Variants in ZNF670 observed in about 807,000 individuals in gnomAD.
ZNF670 encodes zinc finger protein 670.
ZNF670 carries 7 observed loss-of-function variants against 10.9 expected under a neutral mutation model. The ratio of observed to expected loss-of-function variants is 0.64; its 90% confidence interval spans 0.36 to 1.20. The LOEUF (loss-of-function observed/expected upper bound fraction) is 1.20, where lower values mean the gene tolerates loss of function less well. Ranked by LOEUF, ZNF670 falls within the 50% of genes most tolerant of loss-of-function variation. The pLI is 0.02. For missense variants in ZNF670, 446 were observed against 458.6 expected, an observed-to-expected ratio of 0.97 and a Z score of 0.25; for synonymous variants, 136 against 152.7, an observed-to-expected ratio of 0.89 and a Z score of 0.81.
chr1:247,045,748 G>A (rs549312588), intron 1 of ZNF670, among the ~76,000 whole-genome samples: 3 of 152,318 alleles, frequency 2.0e-5, no homozygotes, highest in South Asian at 2.1e-4. Context: ...TGGGTAACAT[G>A]CAGAAGCTGG....
intron 1 of ZNF670, among the ~76,000 whole-genome samples, chr1:247,071,116 G>A (rs1238498804): frequency 4.6e-5 from 7 of 152,150 alleles, no homozygotes; most frequent in African/African-American, 1.7e-4. Flanking sequence ...TCCTATTACT[G>A]GGTATATATA....
chr1:247,048,410 T>C (rs1447110880), intron 1 of ZNF670, among the ~76,000 whole-genome samples: 1 of 152,220 alleles, frequency 6.6e-6, no homozygotes, highest in Non-Finnish European at 1.5e-5. Flanking sequence ...ACTGTCTATA[T>C]CACTATCAGC....
At chr1:247,071,382 A>T (rs1671110425) in intron 1 of ZNF670, among the ~76,000 whole-genome samples, 2 of 152,258 alleles carry the variant, frequency 1.3e-5, no homozygotes, top group East Asian at 3.8e-4. Context: ...CAGAAAACCA[A>T]ATACTGCATG....
At position 247,038,492 on chromosome 1, in the gene ZNF670, T is replaced by C. The variant is rs549658993; in HGVS notation, c.192-65A>G. 2.6e-4 allele frequency: 383 copies of C among 1,482,222 alleles called. 2 individuals are homozygous for C. In the African/African-American group the frequency reaches 4.8e-3, roughly 19 times the overall value. 91.8% of individuals were successfully genotyped at this position (1,482,222 alleles called of 1,614,324 possible). A position where few individuals can be genotyped will look rare whatever the true frequency, so the allele number is the denominator to read the frequency against. On this transcript the variant is annotated intron_variant, in intron 3 of 3. Coordinates refer to ENST00000366503, the MANE Select transcript of ZNF670 (RefSeq NM_033213.5). The stretch of plus-strand genomic sequence containing the variant: ...ATGGTTTACATTGCTACTAATACCA[T>C]GGAAAATGCAAGTTTCCTGCCATAT...
At chr1:247,056,404 G>A (rs1572564854) in intron 1 of ZNF670, among the ~76,000 whole-genome samples, 1 of 152,082 alleles carries the variant, frequency 6.6e-6, no homozygotes, top group South Asian at 2.1e-4. Flanking sequence ...ACAGATCCAC[G>A]GAAATTAATA....
chr1:247,077,288 T>C (rs566172064), intron 1 of ZNF670, among the ~76,000 whole-genome samples: 2 of 152,170 alleles, frequency 1.3e-5, no homozygotes, highest in Non-Finnish European at 2.9e-5. Flanking sequence ...TCTACTTCCA[T>C]ATTTTAAACT....
At position 247,078,789 on chromosome 1, in the gene ZNF670, C is replaced by G. The variant is rs138211753; in HGVS notation, c.-193G>C. On this transcript the variant is annotated 5_prime_UTR_variant, in exon 1 of 4. Coordinates refer to ENST00000366503, the MANE Select transcript of ZNF670 (RefSeq NM_033213.5). ...CGCCAGGTCCCGGAAGCTGCTCCCT[C>G]CTTTCGCGGCGCGCTTGAGAGTACA... The G allele has an allele frequency of 1.5e-5, 9 of 610,896 alleles. No individual in the cohort carries two copies. The highest frequency in any genetic ancestry group is 2.3e-5 in the Non-Finnish European group (8 of 348,952). The allele number at this position is 610,896 out of a possible 1,614,324, so 37.8% of individuals were successfully genotyped here.
chr1:247,036,396 T>C lies in ZNF670; in HGVS notation c.*1053A>G, dbSNP rs1202769465. 6.6e-6 allele frequency among the ~76,000 whole-genome samples: 1 copy of C among 152,200 alleles called. No individual in the cohort carries two copies. The highest frequency in any genetic ancestry group is 1.5e-5 in the Non-Finnish European group (1 of 68,026). ...GGCCAGGTGTGGTAGCTCATGTCAGTAACCCCAACATGTAGACAGGCTGAG... is the reference window on the plus strand; with the variant it reads ...GGCCAGGTGTGGTAGCTCATGTCAGCAACCCCAACATGTAGACAGGCTGAG... On this transcript the variant is annotated 3_prime_UTR_variant, in exon 4 of 4. Transcript: ENST00000366503.
At chr1:247,052,724 G>T (rs1670627681) in intron 1 of ZNF670, among the ~76,000 whole-genome samples, 1 of 152,166 alleles carries the variant, frequency 6.6e-6, no homozygotes, top group Admixed American at 6.5e-5. Context: ...GCGTTGGTTG[G>T]CCAGCAGCCA....
intron 1 of ZNF670, among the ~76,000 whole-genome samples, chr1:247,077,730 C>T (rs1332654666): frequency 6.6e-6 from 1 of 152,060 alleles, no homozygotes; most frequent in African/African-American, 2.4e-5. Context: ...ACTACAAGCC[C>T]CAGAAGAGTT....
intron 1 of ZNF670, among the ~76,000 whole-genome samples, chr1:247,075,666 G>C (rs937649246): frequency 6.6e-6 from 1 of 152,168 alleles, no homozygotes; most frequent in African/African-American, 2.4e-5. Context: ...GCAGCCATCC[G>C]CGTAAGACGT....
At position 247,037,722 on chromosome 1, in the gene ZNF670, A is replaced by C. The variant is rs956442318; in HGVS notation, c.897T>G (p.His299Gln). ...AFRCSRVLRVHERTHSGEKPY... is the reference protein window; with the variant it reads ...AFRCSRVLRVQERTHSGEKPY... The stretch of plus-strand genomic sequence containing the variant: ...GCTTTTCTCCACTGTGAGTCCTTTC[A>C]TGGACTCTGAGGACTCTGGAACATC... The change falls in exon 4 of 4, where the codon CAT (histidine) becomes CAG (glutamine). Residue 299 changes from histidine to glutamine, a missense_variant. Coordinates refer to ENST00000366503, the MANE Select transcript of ZNF670 (RefSeq NM_033213.5). 10 of 1,614,028 alleles carry C rather than the reference A, an allele frequency of 6.2e-6. No homozygotes were observed. The highest frequency in any genetic ancestry group is 1.7e-4 in the Middle Eastern group (1 of 6,058).
rs186893527 is a variant in ZNF670 at position 247,036,080 on chromosome 1, A to C, written c.*1369T>G. 1.3e-3 allele frequency among the ~76,000 whole-genome samples: 199 copies of C among 152,322 alleles called. 1 individual carries two copies. Among genetic ancestry groups the C allele is most frequent in the African/African-American group, 4.3e-3 (180 of 41,564 alleles). ...GATGAAGACAAATTTCACCCAGATA[A>C]CCATAATATATTTATATCTGAAAGC... On this transcript the variant is annotated 3_prime_UTR_variant, in exon 4 of 4. Transcript: ENST00000366503.
At chr1:247,059,285 CA>C (rs796564332) in intron 1 of ZNF670, among the ~76,000 whole-genome samples, 64 of 144,716 alleles carry the variant, frequency 4.4e-4, no homozygotes, top group Middle Eastern at 3.6e-3. Flanking sequence ...ACTAAAAATA[CA>C]AAAAAAAAAA....
At position 247,034,970 on chromosome 1, in the gene ZNF670, G is replaced by T. The variant is rs1039699915; in HGVS notation, c.*2479C>A. On this transcript the variant is annotated 3_prime_UTR_variant, in exon 4 of 4. Transcript: ENST00000366503. ...CATACATCCTCCTGGGGAACGGCTG[G>T]TCAACCAGTCATGTCTAGGAGTTGA... is the stretch of plus-strand genomic sequence containing the variant. Among the ~76,000 whole-genome samples, 1 of 152,188 alleles carries T rather than the reference G, an allele frequency of 6.6e-6. No individual in the cohort carries two copies. The highest frequency in any genetic ancestry group is 1.5e-5 in the Non-Finnish European group (1 of 68,034).
At chr1:247,071,252 A>G (rs561385021) in intron 1 of ZNF670, among the ~76,000 whole-genome samples, 1 of 152,376 alleles carries the variant, frequency 6.6e-6, no homozygotes, top group Middle Eastern at 3.4e-3. Flanking sequence ...TGGATAAAGA[A>G]TATGTGGTAC....
chr1:247,067,285 A>G (rs995579208), intron 1 of ZNF670, among the ~76,000 whole-genome samples: 2 of 151,710 alleles, frequency 1.3e-5, no homozygotes, highest in Non-Finnish European at 2.9e-5. Flanking sequence ...AAAATACAAA[A>G]ATCAGCCGGG....
rs570596407 is a variant in ZNF670, at chr1:247,037,245, T to C, written c.*204A>G. On this transcript the variant is annotated 3_prime_UTR_variant, in exon 4 of 4. Coordinates refer to ENST00000366503, the MANE Select transcript of ZNF670 (RefSeq NM_033213.5). ...AGTGTTCTAACACATTTTTCGTATT[T>C]TATGACGTTCTTTCCCAGGACGGGT... 2.4e-5 allele frequency: 12 copies of C among 507,632 alleles called. No homozygotes were observed. The highest frequency in any genetic ancestry group is 2.2e-4 in the East Asian group (7 of 31,134). The allele number at this position is 507,632 out of a possible 1,614,324, so 31.4% of individuals were successfully genotyped here. A position where few individuals can be genotyped will look rare whatever the true frequency, so the allele number is the denominator to read the frequency against.
Position 247,034,938 on chromosome 1 carries a change from G to A in ZNF670, c.*2511C>T, listed in dbSNP as rs1490919885. Among the ~76,000 whole-genome samples, 1 of 152,214 alleles carries A rather than the reference G, an allele frequency of 6.6e-6. No homozygotes were observed. The highest frequency in any genetic ancestry group is 1.5e-5 in the Non-Finnish European group (1 of 68,044). Reference sequence around the variant, plus strand: ...AAACTGCCTGCCAAACACAGGTCAAGGTGGAACATACATCCTCCTGGGGAA... The same window carrying A: ...AAACTGCCTGCCAAACACAGGTCAAAGTGGAACATACATCCTCCTGGGGAA... On this transcript the variant is annotated 3_prime_UTR_variant, in exon 4 of 4. Coordinates refer to ENST00000366503, the MANE Select transcript of ZNF670 (RefSeq NM_033213.5).
Sources: allele counts gnomAD v4.1 joint callset (sites outside exome capture counted in the v4.1 genomes callset), GRCh38; gene constraint gnomAD v4.1.1; transcripts MANE v1.5; gene names NCBI Gene and HGNC (gene_info 2026-07-23, HGNC 2026-07-21).